GRID1: variants seen among roughly 807,000 people sequenced by gnomAD.
GRID1 encodes the protein glutamate ionotropic receptor delta type subunit 1, also known as glutamate receptor ionotropic, delta-1.
A neutral mutation model predicts 98.0 loss-of-function variants in GRID1; 28 were observed. That is an observed-to-expected ratio of 0.29 (90% CI 0.21 to 0.39). GRID1 has a LOEUF of 0.39. Ranked by LOEUF, GRID1 falls within the 10% of genes least tolerant of loss-of-function variation. The pLI, the probability that GRID1 is intolerant of heterozygous loss-of-function variation, is 1.00. For missense variants in GRID1, 1,111 were observed against 1,340.5 expected (o/e 0.83, Z 2.67); for synonymous variants, 553 against 538.5 (o/e 1.03, Z -0.37).
intron 8 of GRID1, among the ~76,000 whole-genome samples, chr10:85,840,156 C>A (rs1379039040): frequency 6.6e-6 from 1 of 152,044 alleles, no homozygotes; most frequent in Non-Finnish European, 1.5e-5. Context: ...AGATTCACAG[C>A]TGAATTCTAC....
chr10:85,858,588 G>T (rs1487830631), intron 6 of GRID1, among the ~76,000 whole-genome samples: 1 of 152,232 alleles, frequency 6.6e-6, no homozygotes, highest in Admixed American at 6.5e-5. Flanking sequence ...CCATGATGGA[G>T]ATGTTGTTAT....
intron 2 of GRID1, among the ~76,000 whole-genome samples, chr10:86,258,759 C>T (rs554649501): frequency 6.6e-6 from 1 of 152,240 alleles, no homozygotes; most frequent in South Asian, 2.1e-4. Context: ...AACAATGAAA[C>T]AATCTACTCC....
intron 8 of GRID1, among the ~76,000 whole-genome samples, chr10:85,816,941 A>G (rs1034434124): frequency 1.3e-5 from 2 of 152,102 alleles, no homozygotes; most frequent in African/African-American, 4.8e-5. Context: ...CCCACTTATA[A>G]CTGAGAACAT....
chr10:85,650,476 T>C (rs1843253730), intron 12 of GRID1, among the ~76,000 whole-genome samples: 1 of 152,152 alleles, frequency 6.6e-6, no homozygotes, highest in African/African-American at 2.4e-5. Context: ...CAACCAGTTA[T>C]TTCACCAACA....
intron 2 of GRID1, among the ~76,000 whole-genome samples, chr10:86,298,410 T>G (rs191627663): frequency 1.7e-4 from 26 of 152,310 alleles, no homozygotes; most frequent in Admixed American, 5.2e-4. Context: ...AGCATTTTTG[T>G]GTATTACATA....
At chr10:85,678,881 G>A (rs1309976302) in intron 12 of GRID1, among the ~76,000 whole-genome samples, 1 of 152,072 alleles carries the variant, frequency 6.6e-6, no homozygotes, top group African/African-American at 2.4e-5. Context: ...ATTGCACCCT[G>A]AGCATGCAAC....
Position 85,599,802 on chromosome 10 carries a change from A to AAATATATATAT in GRID1, c.*2470_*2471insATATATATATT. The AAATATATATAT allele has an allele frequency of 8.6e-4, 56 of 64,974 alleles. 1 individual carries two copies. The highest frequency in any genetic ancestry group is 2.3e-3 in the African/African-American group (25 of 10,730). The allele number at this position is 64,974 out of a possible 1,614,324, so 4.0% of individuals were successfully genotyped here. On this transcript the variant is annotated 3_prime_UTR_variant, in exon 16 of 16. Transcript: ENST00000327946. ...GTAGAAAATTCTAAAAAAAAAAAAA[A>AAATATATATAT]ATATATATATATATATATAAACATG...
chr10:86,031,946 C>G (rs987522730), intron 4 of GRID1, among the ~76,000 whole-genome samples: 2 of 152,212 alleles, frequency 1.3e-5, no homozygotes, highest in African/African-American at 2.4e-5. Flanking sequence ...TCTGTCACCA[C>G]CTTCAGGCCT....
intron 2 of GRID1, among the ~76,000 whole-genome samples, chr10:86,282,405 A>T (rs1256548234): frequency 6.6e-6 from 1 of 152,178 alleles, no homozygotes; most frequent in African/African-American, 2.4e-5. Context: ...AATCAGAGGC[A>T]GGGAGTTTTC....
At chr10:85,712,935 AAGTT>A (rs1223133391) in intron 12 of GRID1, among the ~76,000 whole-genome samples, 1 of 151,808 alleles carries the variant, frequency 6.6e-6, no homozygotes, top group Admixed American at 6.6e-5. Context: ...TCTAAGAAGG[AAGTT>A]AATGTTGATT....
chr10:86,360,393 C>T (rs1219517582), intron 2 of GRID1, among the ~76,000 whole-genome samples: 4 of 152,196 alleles, frequency 2.6e-5, no homozygotes, highest in African/African-American at 9.6e-5. Context: ...TTTGTTCTGC[C>T]TCTTGACACT....
chr10:86,009,338 G>A (rs1392268702), intron 4 of GRID1, among the ~76,000 whole-genome samples: 1 of 152,138 alleles, frequency 6.6e-6, no homozygotes, highest in Non-Finnish European at 1.5e-5. Flanking sequence ...GATAAATTGG[G>A]ATTTAAATGG....
intron 4 of GRID1, among the ~76,000 whole-genome samples, chr10:85,963,428 G>A (rs1030406841): frequency 9.9e-5 from 15 of 151,992 alleles, no homozygotes; most frequent in African/African-American, 3.4e-4. Context: ...CAATGCACTC[G>A]CCACACAGTG....
rs1395619782 is a variant in GRID1 at position 86,090,111 on chromosome 10, A to T, written c.726+48708T>A. Among the ~76,000 whole-genome samples, 5 of 27,746 alleles carry T rather than the reference A, an allele frequency of 1.8e-4. No individual in the cohort carries two copies. The Admixed American group carries it at 2.5e-3, about 14-fold the overall frequency. 18.2% of individuals were successfully genotyped at this position (27,746 alleles called of 152,430 possible). ...AAGCTCAGTTGAAAGAGGAGACAGC[A>T]GAAAGAATCAGTGACTAAAAGATAT... On this transcript the variant is annotated intron_variant, in intron 4 of 15. Transcript: ENST00000327946.
intron 2 of GRID1, among the ~76,000 whole-genome samples, chr10:86,342,045 G>A (rs920746383): frequency 2.0e-5 from 3 of 151,990 alleles, no homozygotes; most frequent in African/African-American, 4.8e-5. Context: ...AGTCACCCTG[G>A]GCCCCTCCAA....
intron 12 of GRID1, among the ~76,000 whole-genome samples, chr10:85,693,383 T>C (rs921781204): frequency 6.6e-6 from 1 of 152,132 alleles, no homozygotes; most frequent in African/African-American, 2.4e-5. Context: ...ACCATAAAGA[T>C]GGATATATGT....
At chr10:85,694,586 ATATATATATATATAT>A (rs1564562143) in intron 12 of GRID1, among the ~76,000 whole-genome samples, 3 of 78,406 alleles carry the variant, frequency 3.8e-5, no homozygotes, top group Admixed American at 2.4e-4. Context: ...ATATATATAT[ATATATATATATATAT>A]AATGGAATAT....
intron 4 of GRID1, among the ~76,000 whole-genome samples, chr10:86,130,081 G>A (rs989306059): frequency 7.9e-5 from 12 of 152,270 alleles, no homozygotes; most frequent in Admixed American, 2.6e-4. Context: ...ATCCTCACCA[G>A]CCAGCCCAGA....
chr10:85,651,359 G>T (rs555272634), intron 12 of GRID1, among the ~76,000 whole-genome samples: 2 of 152,286 alleles, frequency 1.3e-5, no homozygotes, highest in South Asian at 4.1e-4. Flanking sequence ...GCAAGCATGG[G>T]CAAGCCGCAT....
Sources: allele counts gnomAD v4.1 joint callset (sites outside exome capture counted in the v4.1 genomes callset), GRCh38; gene constraint gnomAD v4.1.1; transcripts MANE v1.5; gene names NCBI Gene and HGNC (gene_info 2026-07-23, HGNC 2026-07-21).